TNRC18: variants seen among roughly 807,000 people sequenced by gnomAD.
The protein encoded by TNRC18 is trinucleotide repeat-containing gene 18 protein.
Under a neutral mutation model 226.7 loss-of-function variants are expected in TNRC18, and 69 were observed. The ratio of observed to expected loss-of-function variants is 0.30; its 90% CI spans 0.25 to 0.37. The LOEUF (loss-of-function observed/expected upper bound fraction) is 0.37. TNRC18 is among the 10% of genes least tolerant of loss of function. The probability of loss-of-function intolerance (pLI) is 1.00; values close to 1 mark genes in which losing one functional copy is unlikely to be tolerated. For missense variants in TNRC18, 4,754 were observed against 4,256.6 expected (o/e 1.12, Z -3.25); for synonymous variants, 2,449 against 1,927.6 (o/e 1.27, Z -7.09).
At chr7:5,403,149 T>C (rs1214950317) in intron 2 of TNRC18, among the ~76,000 whole-genome samples, 1 of 146,464 alleles carries the variant, frequency 6.8e-6, no homozygotes, top group African/African-American at 2.6e-5. Flanking sequence ...ACCAAACACA[T>C]TACATTTTAT....
chr7:5,382,704 T>C (rs1056684415), intron 5 of TNRC18, among the ~76,000 whole-genome samples: 2 of 152,022 alleles, frequency 1.3e-5, no homozygotes, highest in Non-Finnish European at 2.9e-5. Context: ...CTAGAGGTGA[T>C]GGGCCAGTGA....
intron 5 of TNRC18, among the ~76,000 whole-genome samples, chr7:5,384,351 T>G (rs539696814): frequency 6.6e-6 from 1 of 152,202 alleles, no homozygotes; most frequent in African/African-American, 2.4e-5. Context: ...TCCTCCTACG[T>G]TGGCCTTCCG....
chr7:5,359,417 G>A lies in TNRC18; in HGVS notation c.4814C>T (p.Ser1605Leu), dbSNP rs199672356. 1.3e-4 allele frequency: 217 copies of A among 1,613,972 alleles called. 1 individual carries two copies. The highest frequency in any genetic ancestry group is 1.2e-3 in the South Asian group (108 of 91,082). ...RNQTWDEHEA[S>L]SDFISQLKIK... ...ACTCACCTGACTGATGAAGTCCGAC[G>A]AGGCCTCATGTTCATCCCAAGTCTG... Residue 1605 changes from serine (S) to leucine (L), a missense_variant, in exon 15 of 30, where the codon TCG (serine) becomes TTG (leucine). Ser to Leu is a moderately radical substitution (Grantham distance 145, BLOSUM62 -2). Transcript: ENST00000430969.
rs1788720274 is a variant in TNRC18, at chr7:5,324,715, GA to G, written c.6301-361del. Among the ~76,000 whole-genome samples, 1 of 152,174 alleles carries G rather than the reference GA, an allele frequency of 6.6e-6. No individual in the cohort carries two copies. The highest frequency in any genetic ancestry group is 1.5e-5 in the Non-Finnish European group (1 of 68,026). On this transcript the variant is annotated intron_variant, in intron 20 of 29. Coordinates refer to ENST00000430969, the MANE Select transcript of TNRC18 (RefSeq NM_001080495.3). This position sits in a 1 kb window ranked among gnomAD's most constrained non-coding sequence, Gnocchi z 4.8. ...AGCATTTCCACCCAATGGGCTTGAG[GA>G]AAAACCACTCGGGCAGGGGCTAGCA... is the stretch of plus-strand genomic sequence containing the variant.
chr7:5,359,582 C>A lies in TNRC18; in HGVS notation c.4662-13G>T. The stretch of plus-strand genomic sequence containing the variant: ...CTTGCTGCTCAGCCTGAAACGCAGA[C>A]ACACTGCCGGTCAGCACCCTGGCCA... On this transcript the variant is annotated splice_polypyrimidine_tract_variant and intron_variant, in intron 14 of 29. Transcript: ENST00000430969. The A allele has an allele frequency of 6.2e-7, 1 of 1,613,342 alleles. No homozygotes were observed.
At chr7:5,416,775 T>G (rs1179679426) in intron 2 of TNRC18, among the ~76,000 whole-genome samples, 1 of 151,960 alleles carries the variant, frequency 6.6e-6, no homozygotes, top group Non-Finnish European at 1.5e-5. Context: ...GAGGATCTCC[T>G]GAGCCCAGGA....
intron 18 of TNRC18, among the ~76,000 whole-genome samples, chr7:5,340,379 A>T (rs755010868): frequency 1.3e-5 from 2 of 152,212 alleles, no homozygotes; most frequent in African/African-American, 2.4e-5. Flanking sequence ...GAAGGTTGAG[A>T]GAAGTGAGGA....
intron 16 of TNRC18, among the ~76,000 whole-genome samples, chr7:5,354,032 G>A (rs549309226): frequency 3.9e-5 from 6 of 152,006 alleles, no homozygotes; most frequent in East Asian, 1.9e-4. Context: ...GTGAAACCCC[G>A]TCTCTACTAA....
In TNRC18 at chr7:5,374,194, G is replaced by A; in HGVS notation, c.3090C>T (p.His1030=). ...GGGAGGCGGGCGGCGGGCTGGTGGG[G>A]TGGGAGCTGGGGGTGGCGGGGTAGG... ...AYAYPATPSS[H]PTSPPPASPP... Residue 1030 remains histidine, a synonymous_variant, in exon 10 of 30, where the codon CAC becomes CAT. Transcript: ENST00000430969. 1 of 1,420,040 alleles carries A rather than the reference G, an allele frequency of 7.0e-7. No homozygotes were observed. Among genetic ancestry groups the A allele is most frequent in the Non-Finnish European group, 9.2e-7 (1 of 1,087,194 alleles). 88.0% of individuals were successfully genotyped at this position (1,420,040 alleles called of 1,614,324 possible).
chr7:5,316,862 G>A (rs143674550), intron 24 of TNRC18, among the ~76,000 whole-genome samples: 22 of 152,250 alleles, frequency 1.4e-4, no homozygotes, highest in African/African-American at 4.8e-5. Flanking sequence ...GCCAAGGCTC[G>A]TGCTGGAGAG....
At chr7:5,351,403 G>A (rs1020273132) in intron 17 of TNRC18, among the ~76,000 whole-genome samples, 2 of 149,690 alleles carry the variant, frequency 1.3e-5, no homozygotes, top group South Asian at 2.1e-4. Flanking sequence ...TGTTCCTCGG[G>A]AAGCCTCCAC....
chr7:5,419,298 C>A (rs903116006), intron 2 of TNRC18, among the ~76,000 whole-genome samples: 3 of 152,238 alleles, frequency 2.0e-5, no homozygotes, highest in African/African-American at 7.2e-5. Context: ...CTTGCCAGGC[C>A]GGAGCCAGAT....
Position 5,312,787 on chromosome 7 carries a change from T to C in TNRC18, c.8104A>G (p.Lys2702Glu). The change falls in exon 27 of 30, where the codon AAG becomes GAG. Residue 2702 changes from lysine (K) to glutamate (E), a missense_variant. Physicochemically the swap from Lys to Glu is moderately conservative, Grantham distance 56 (BLOSUM62 1). Coordinates refer to ENST00000430969, the MANE Select transcript of TNRC18 (RefSeq NM_001080495.3). This position sits in a 1 kb window ranked among gnomAD's most constrained non-coding sequence, Gnocchi z 6.3. ...GPSAQAALPT[K>E]ATKQAGKARP... ...GCCTTGCCGGCCTGCTTGGTGGCCTTGGTGGGGAGCGCCGCCTGCGCGGAA... is the reference window on the plus strand; with the variant it reads ...GCCTTGCCGGCCTGCTTGGTGGCCTCGGTGGGGAGCGCCGCCTGCGCGGAA... 6.5e-7 allele frequency: 1 copy of C among 1,533,640 alleles called. No individual in the cohort carries two copies. Among genetic ancestry groups the C allele is most frequent in the Non-Finnish European group, 8.7e-7 (1 of 1,144,908 alleles).
chr7:5,357,632 G>A (rs1389048876), intron 15 of TNRC18, among the ~76,000 whole-genome samples: 1 of 152,064 alleles, frequency 6.6e-6, no homozygotes, highest in Non-Finnish European at 1.5e-5. Context: ...ACAGGCGTGC[G>A]CCACCACTCC....
chr7:5,324,298 C>T lies in TNRC18; in HGVS notation c.6358G>A (p.Asp2120Asn), dbSNP rs766009631. ...CTCGAGTCTTGGTTGGGTTCAAAGT[C>T]CTCCTCGGCTGCCATGCTCTCCATC... ...KLMESMAAEE[D>N]FEPNQDSSFS... is the part of the protein sequence containing the mutation. The change falls in exon 21 of 30, where the codon GAC (aspartate) becomes AAC (asparagine). Residue 2120 changes from aspartate to asparagine, a missense_variant. Physicochemically the swap from Asp to Asn is conservative, Grantham distance 23. Transcript: ENST00000430969. This position sits in a 1 kb window ranked among gnomAD's most constrained non-coding sequence, Gnocchi z 4.8. 181 of 1,613,500 alleles carry T rather than the reference C, an allele frequency of 1.1e-4. No homozygotes were observed. Among genetic ancestry groups the T allele is most frequent in the Non-Finnish European group, 1.5e-4 (177 of 1,179,730 alleles).
chr7:5,394,544 G>A lies in TNRC18; in HGVS notation c.239C>T (p.Ser80Leu), dbSNP rs1457904376. The change falls in exon 3 of 30, where the codon TCG becomes TTG. Residue 80 changes from serine (S) to leucine (L), a missense_variant. Coordinates refer to ENST00000430969, the MANE Select transcript of TNRC18 (RefSeq NM_001080495.3). The surrounding 1 kb of genome is among the most constrained non-coding windows in gnomAD (Gnocchi z 4.5). ...FVASGMGPSASSHGSPVPLPS... is the reference protein window; with the variant it reads ...FVASGMGPSALSHGSPVPLPS... ...CAGTGGCACTGGGCTCCCATGGGAC[G>A]AGGCCGAGGGCCCCATCCCGCTGGC... The A allele has an allele frequency of 5.2e-6, 8 of 1,550,826 alleles. No individual in the cohort carries two copies. The highest frequency in any genetic ancestry group is 2.4e-5 in the South Asian group (2 of 83,732).
At position 5,421,083 on chromosome 7, in the gene TNRC18, C is replaced by A. The variant is rs1335473643; in HGVS notation, c.164G>T (p.Gly55Val). Residue 55 changes from glycine to valine, a missense_variant, in exon 2 of 30, where the codon GGC becomes GTC. Coordinates refer to ENST00000430969, the MANE Select transcript of TNRC18 (RefSeq NM_001080495.3). Reference protein sequence around the residue: ...GPLPPGKYMAGLNLHPHPGEA... With the variant: ...GPLPPGKYMAVLNLHPHPGEA... ...ACCCGGGTGCGGATGGAGATTCAGG[C>A]CGGCCATGTACTTCCCGGGCGGCAG... 1 of 1,504,766 alleles carries A rather than the reference C, an allele frequency of 6.6e-7. No homozygotes were observed. The allele number at this position is 1,504,766 out of a possible 1,614,324, so 93.2% of individuals were successfully genotyped here.
In TNRC18 at chr7:5,388,308, G is replaced by A. The variant is rs752189071; in HGVS notation, c.1516C>T (p.Pro506Ser). ...TCGAAGGGTTTCCATTTATGCTCAG[G>A]GCCGGTGGGCGGGGGGCGCCCGGGC... ...LEPGRPPPTG[P>S]EHKWKPFELG... The change falls in exon 5 of 30, where the codon CCT becomes TCT. Residue 506 changes from proline (P) to serine (S), a missense_variant. By Grantham distance (74) the Pro-to-Ser change is moderately conservative. Transcript: ENST00000430969. 1.1e-5 allele frequency: 17 copies of A among 1,605,834 alleles called. No individual in the cohort carries two copies. The highest frequency in any genetic ancestry group is 2.3e-5 in the East Asian group (1 of 44,392).
chr7:5,403,383 C>T (rs1781244566), intron 2 of TNRC18, among the ~76,000 whole-genome samples: 1 of 152,248 alleles, frequency 6.6e-6, no homozygotes, highest in African/African-American at 2.4e-5. Context: ...TGGTCTCGAA[C>T]TCTCGACCTC....
Sources: allele counts gnomAD v4.1 joint callset (sites outside exome capture counted in the v4.1 genomes callset), GRCh38; gene constraint gnomAD v4.1.1; non-coding constraint Gnocchi (gnomAD v3.1); transcripts MANE v1.5; gene names NCBI Gene and HGNC (gene_info 2026-07-23, HGNC 2026-07-21).